The following SHPRH variants were observed in gnomAD, a reference collection of about 807,000 sequenced individuals.
SHPRH encodes SNF2 histone linker PHD RING helicase.
Under a neutral mutation model 202.5 loss-of-function variants are expected in SHPRH, and 106 were observed. The observed-to-expected ratio is 0.52, with a 90% CI of 0.45 to 0.62. SHPRH has a LOEUF of 0.62. Among genes scored for constraint, SHPRH ranks in the 20% least tolerant of loss-of-function variants. The pLI, the probability that SHPRH is intolerant of heterozygous loss-of-function variation, is 0.00. For synonymous variants in SHPRH, 729 were observed against 686.0 expected (o/e 1.06, Z -0.98); for missense variants, 1,710 against 2,020.0 (o/e 0.85, Z 2.94).
At position 145,873,551 on chromosome 6, in the gene SHPRH, C is replaced by T. The variant is rs145985355; in HGVS notation, c.222-9060G>A. Reference sequence around the variant, plus strand: ...GGTCATCTGTAGCCAAAATCATGGACATAAATTCTGAGGAGGGTTCCTGGT... The same window carrying T: ...GGTCATCTGTAGCCAAAATCATGGATATAAATTCTGAGGAGGGTTCCTGGT... On this transcript the variant is annotated intron_variant, in intron 2 of 2. Transcript: ENST00000417762. 4.9e-3 allele frequency among the ~76,000 whole-genome samples: 751 copies of T among 152,140 alleles called. 4 individuals carry two copies. Among genetic ancestry groups the T allele is most frequent in the Admixed American group, 0.011 (168 of 15,292 alleles).
chr6:145,930,743 G>C (rs557367869), intron 14 of SHPRH, among the ~76,000 whole-genome samples: 1 of 152,104 alleles, frequency 6.6e-6, no homozygotes. Flanking sequence ...GGTTGACAGC[G>C]GTGTTTGAAC....
chr6:145,863,879 A>G (rs944748175), downstream of SHPRH, among the ~76,000 whole-genome samples: 10 of 152,256 alleles, frequency 6.6e-5, no homozygotes, highest in Non-Finnish European at 1.3e-4. Context: ...TCGGTAGGAT[A>G]TAAGTCAATG....
intron 15 of SHPRH, 28 bp downstream of exon 15, chr6:145,927,161 C>T: frequency 6.3e-7 from 1 of 1,581,972 alleles, no homozygotes; most frequent in Non-Finnish European, 8.7e-7. Context: ...AAACAGAATA[C>T]CTATGAAACT....
At chr6:145,934,352 G>A (rs1785811618) in intron 13 of SHPRH, among the ~76,000 whole-genome samples, 1 of 152,002 alleles carries the variant, frequency 6.6e-6, no homozygotes, top group South Asian at 2.1e-4. Flanking sequence ...TGTAATCCCA[G>A]GTACTTGGAG....
intron 25 of SHPRH, among the ~76,000 whole-genome samples, chr6:145,895,706 G>A (rs1172161179): frequency 6.6e-6 from 1 of 152,026 alleles, no homozygotes; most frequent in African/African-American, 2.4e-5. Context: ...TGGTATGACA[G>A]AGAAATTAAG....
intron 10 of SHPRH, 77 bp downstream of exon 10, chr6:145,941,538 CTTAAACTA>C: frequency 6.4e-7 from 1 of 1,552,596 alleles, no homozygotes; most frequent in East Asian, 2.3e-5. Flanking sequence ...GTTAACTATG[CTTAAACTA>C]TTAAACTACT....
At chr6:145,962,557 T>A (rs1033465062) in intron 1 of SHPRH, among the ~76,000 whole-genome samples, 5 of 152,100 alleles carry the variant, frequency 3.3e-5, no homozygotes, top group Non-Finnish European at 7.4e-5. Flanking sequence ...GCTAGAAAAA[T>A]AAACATAAAA....
In SHPRH at chr6:145,925,886, CTT is replaced by C. The variant is rs894399103; in HGVS notation, c.3294+316_3294+317del. 9.9e-5 allele frequency among the ~76,000 whole-genome samples: 15 copies of C among 152,068 alleles called. No homozygotes were observed. The East Asian group carries it at 2.9e-3, about 29-fold the overall frequency. On this transcript the variant is annotated intron_variant, in intron 16 of 29. Transcript: ENST00000275233. ...AGTTTGTATATTTACTAAGCTACCT[CTT>C]TTGTAGATCTGCCATGAGATCAAAG... is the stretch of plus-strand genomic sequence containing the variant.
downstream of SHPRH, among the ~76,000 whole-genome samples, chr6:145,859,318 T>C (rs1190611630): frequency 6.6e-6 from 1 of 152,044 alleles, no homozygotes; most frequent in Non-Finnish European, 1.5e-5. Flanking sequence ...GTATTTATTT[T>C]AGAAAGTGTT....
At chr6:145,924,159 TTAAC>T (rs1488308979) in intron 17 of SHPRH, among the ~76,000 whole-genome samples, 1 of 151,960 alleles carries the variant, frequency 6.6e-6, no homozygotes, top group Non-Finnish European at 1.5e-5. Flanking sequence ...ATTCTAATCT[TTAAC>T]TAACTGAACC....
chr6:145,932,342 T>C (rs1015328292), intron 14 of SHPRH, among the ~76,000 whole-genome samples: 2 of 152,122 alleles, frequency 1.3e-5, no homozygotes, highest in Non-Finnish European at 2.9e-5. Flanking sequence ...ACAGGCAAAA[T>C]ATACAAAATG....
chr6:145,864,659 C>A (rs1779693175), intron 2 of SHPRH, among the ~76,000 whole-genome samples: 1 of 147,042 alleles, frequency 6.8e-6, no homozygotes, highest in Non-Finnish European at 1.5e-5. Context: ...AAATAATAGC[C>A]CATGAATTAA....
chr6:145,926,091 G>A, intron 16 of SHPRH, 113 bp downstream of exon 16: 1 of 987,828 alleles, frequency 1.0e-6, no homozygotes, highest in African/African-American at 1.6e-5. Flanking sequence ...AAAGTAACAG[G>A]AAAACATGAT....
At position 145,945,401 on chromosome 6, in the gene SHPRH, A is replaced by G. The variant is rs751855030; in HGVS notation, c.1558T>C (p.Cys520Arg). ...LGKNYKEEDICDKTKKQAVGS... is the reference protein window; with the variant it reads ...LGKNYKEEDIRDKTKKQAVGS... ...GTTACCTGCTTTTTTGTTTTATCAC[A>G]TATATCCTCTTCCTTGTAATTCTTT... The change falls in exon 8 of 30, where the codon TGT becomes CGT. Residue 520 changes from cysteine (C) to arginine (R), a missense_variant. Physicochemically the swap from Cys to Arg is radical, Grantham distance 180. Transcript: ENST00000275233. 6.2e-7 allele frequency: 1 copy of G among 1,611,878 alleles called. No homozygotes were observed. Among genetic ancestry groups the G allele is most frequent in the African/African-American group, 1.3e-5 (1 of 74,692 alleles).
At position 145,886,478 on chromosome 6, in the gene SHPRH, TA is replaced by T; in HGVS notation, c.*212del. On this transcript the variant is annotated 3_prime_UTR_variant, in exon 30 of 30. Coordinates refer to ENST00000275233, the MANE Select transcript of SHPRH (RefSeq NM_001042683.3). Reference sequence around the variant, plus strand: ...AAAAATAAATGTTTTATTAGGAGTGTAAAATTAAGAATCTTTATAGATCTTT... The same window carrying T: ...AAAAATAAATGTTTTATTAGGAGTGTAAATTAAGAATCTTTATAGATCTTT... 1 of 942,388 alleles carries T rather than the reference TA, an allele frequency of 1.1e-6. No individual in the cohort carries two copies. Among genetic ancestry groups the T allele is most frequent in the South Asian group, 1.4e-5 (1 of 71,536 alleles). 58.4% of individuals were successfully genotyped at this position (942,388 alleles called of 1,614,324 possible). A position where few individuals can be genotyped will look rare whatever the true frequency, so the allele number is the denominator to read the frequency against.
intron 24 of SHPRH, among the ~76,000 whole-genome samples, chr6:145,912,611 A>G (rs1783593761): frequency 6.6e-6 from 1 of 152,132 alleles, no homozygotes; most frequent in Non-Finnish European, 1.5e-5. Flanking sequence ...CTCAGTTTCC[A>G]ATGTAGTATC....
At chr6:145,863,119 A>C (rs1167487864), downstream of SHPRH, among the ~76,000 whole-genome samples, 1 of 152,236 alleles carries the variant, frequency 6.6e-6, no homozygotes. Flanking sequence ...AGGTGAATAC[A>C]GGAATCTATC....
chr6:145,863,815 T>C (rs892794834), downstream of SHPRH, among the ~76,000 whole-genome samples: 2 of 152,242 alleles, frequency 1.3e-5, no homozygotes, highest in Admixed American at 1.3e-4. Context: ...GGCTGCTTCC[T>C]ACTGTCCTTA....
At chr6:145,940,859 A>G (rs1043700512) in intron 10 of SHPRH, 58 bp from the exon 11 acceptor site, 59 of 1,569,498 alleles carry the variant, frequency 3.8e-5, no homozygotes, top group Non-Finnish European at 5.1e-5. Context: ...GAAAGAACAC[A>G]GAAGTCAGGC....
Sources: gnomAD v4.1 joint callset for allele counts (sites outside exome capture counted in the v4.1 genomes callset) on GRCh38, gnomAD v4.1.1 for gene constraint, MANE v1.5 for transcripts, NCBI Gene and HGNC (gene_info 2026-07-23, HGNC 2026-07-21) for gene names.